The following KRT73 variants were observed in gnomAD, a reference collection of about 807,000 sequenced individuals.
KRT73 encodes the protein keratin 73, also known as keratin, type II cytoskeletal 73.
Under a neutral mutation model 47.2 loss-of-function variants are expected in KRT73, and 44 were observed. The observed-to-expected ratio is 0.93, with a 90% confidence interval of 0.73 to 1.20. The LOEUF is 1.20. KRT73 is among the 50% of genes most tolerant of loss of function. The pLI is 0.00. For synonymous variants in KRT73, 285 were observed against 291.3 expected (o/e 0.98, Z 0.22); for missense variants, 713 against 704.5 (o/e 1.01, Z -0.14).
Position 52,618,172 on chromosome 12 carries a change from T to G in KRT73, c.353A>C (p.Asn118Thr). ...CTGGATTTCAGGGTCCAGCTCCACG[T>G]TCAGGGGTGCCAGGAGGCTCTTGTT... ...TINKSLLAPL[N>T]VELDPEIQKV... The change falls in exon 1 of 9, where the codon AAC becomes ACC. Residue 118 changes from asparagine (N) to threonine (T), a missense_variant. Coordinates refer to ENST00000305748, the MANE Select transcript of KRT73 (RefSeq NM_175068.3). The G allele has an allele frequency of 6.2e-7, 1 of 1,614,036 alleles. No individual in the cohort carries two copies. The highest frequency in any genetic ancestry group is 8.5e-7 in the Non-Finnish European group (1 of 1,179,968).
chr12:52,630,694 C>T, the KRT73 span, among the ~76,000 whole-genome samples: 1 of 152,200 alleles, frequency 6.6e-6, no homozygotes, highest in Admixed American at 6.5e-5. Flanking sequence ...CATCTGTTTC[C>T]TGAGGTTGGT....
At chr12:52,621,300 G>C (rs867503641), upstream of KRT73, among the ~76,000 whole-genome samples, 2 of 145,284 alleles carry the variant, frequency 1.4e-5, no homozygotes, top group African/African-American at 2.5e-5. Flanking sequence ...AGGGGGGGGG[G>C]GGGAGAGAGA....
intron 3 of KRT73, 86 bp from the exon 4 acceptor site, chr12:52,614,760 C>A: frequency 9.5e-7 from 1 of 1,054,990 alleles, no homozygotes; most frequent in East Asian, 2.6e-5. Context: ...CAGGCCCTGC[C>A]CTAGCTAGCT....
upstream of KRT73, among the ~76,000 whole-genome samples, chr12:52,619,588 C>T (rs1355665876): frequency 6.6e-6 from 1 of 152,224 alleles, no homozygotes; most frequent in African/African-American, 2.4e-5. Context: ...ACCAGCCAGC[C>T]AGCCATCTAC....
chr12:52,629,887 G>A, the KRT73 span, among the ~76,000 whole-genome samples: 3 of 151,996 alleles, frequency 2.0e-5, no homozygotes, highest in Non-Finnish European at 4.4e-5. Context: ...ACCCACAGTC[G>A]CCTCATGGCC....
rs1399580761 is a variant in KRT73, at chr12:52,610,802, C to T, written c.1144G>A (p.Glu382Lys). 9.9e-6 allele frequency: 16 copies of T among 1,613,160 alleles called. No homozygotes were observed. Among genetic ancestry groups the T allele is most frequent in the East Asian group, 4.5e-5 (2 of 44,854 alleles). Residue 382 changes from glutamate to lysine, a missense_variant, in exon 7 of 9, where the codon GAG becomes AAG. By Grantham distance (56) the Glu-to-Lys change is moderately conservative. Coordinates refer to ENST00000305748, the MANE Select transcript of KRT73 (RefSeq NM_175068.3). ...ANLETAIADA[E>K]QRGDCALKDA... ...TTGAGGGCACAGTCCCCCCGCTGCT[C>T]GGCGTCAGCGATGGCCGTCTCCAGG...
At chr12:52,627,050 T>C in the KRT73 span, among the ~76,000 whole-genome samples, 3 of 152,176 alleles carry the variant, frequency 2.0e-5, no homozygotes, top group African/African-American at 7.2e-5. Context: ...ATTTCAACCA[T>C]TTATGGTGCA....
At chr12:52,618,638 A>G (rs1180174789), upstream of KRT73, 6 of 1,128,700 alleles carry the variant, frequency 5.3e-6, no homozygotes, top group Non-Finnish European at 7.4e-6. Context: ...CCATGGGCCT[A>G]ATTTGTGGGT....
chr12:52,628,028 T>G, the KRT73 span, among the ~76,000 whole-genome samples: 1 of 152,104 alleles, frequency 6.6e-6, no homozygotes, highest in Non-Finnish European at 1.5e-5. Context: ...ACAGAATAAA[T>G]TCCCCATGAA....
At chr12:52,615,393 C>T (rs1006110485) in intron 2 of KRT73, 54 bp from the exon 3 acceptor site, 21 of 1,403,668 alleles carry the variant, frequency 1.5e-5, no homozygotes, top group East Asian at 4.6e-5. Flanking sequence ...TGTGTGTATA[C>T]GTTCTCATAG....
rs1940846463 is a variant in KRT73, at chr12:52,618,161, C to T, written c.364G>A (p.Asp122Asn). Residue 122 changes from aspartate to asparagine, a missense_variant, in exon 1 of 9, where the codon GAC (aspartate) becomes AAC (asparagine). By Grantham distance (23) the Asp-to-Asn change is conservative. Transcript: ENST00000305748. ...SLLAPLNVEL[D>N]PEIQKVRAQE... ...GCACGCACTTTCTGGATTTCAGGGT[C>T]CAGCTCCACGTTCAGGGGTGCCAGG... 3.1e-6 allele frequency: 5 copies of T among 1,613,984 alleles called. No homozygotes were observed. Among genetic ancestry groups the T allele is most frequent in the Non-Finnish European group, 4.2e-6 (5 of 1,179,960 alleles).
chr12:52,617,114 T>A (rs191833973), intron 1 of KRT73, among the ~76,000 whole-genome samples: 4 of 152,152 alleles, frequency 2.6e-5, no homozygotes, highest in Admixed American at 2.6e-4. Flanking sequence ...ACCGAAGGTC[T>A]CCCATTCCCC....
At chr12:52,619,473 C>T (rs149478289), upstream of KRT73, among the ~76,000 whole-genome samples, 285 of 152,276 alleles carry the variant, frequency 1.9e-3, no homozygotes, top group Middle Eastern at 0.014. Context: ...AATGAAAATG[C>T]CCCCAAAAAG....
At chr12:52,609,134 G>A (rs1940643114) in intron 8 of KRT73, 113 bp downstream of exon 8, 3 of 889,106 alleles carry the variant, frequency 3.4e-6, no homozygotes, top group Non-Finnish European at 5.7e-6. Flanking sequence ...ATGTGACCAA[G>A]TGGTCAACAG....
upstream of KRT73, among the ~76,000 whole-genome samples, chr12:52,620,316 C>T (rs753867460): frequency 5.3e-5 from 8 of 152,024 alleles, no homozygotes; most frequent in Non-Finnish European, 1.2e-4. Context: ...ATTGGTCAGG[C>T]TGGTCTCGGT....
intron 6 of KRT73, 155 bp downstream of exon 6, chr12:52,611,049 C>T: frequency 2.8e-6 from 3 of 1,064,932 alleles, no homozygotes; most frequent in South Asian, 3.1e-5. Context: ...TTGTTCCAAA[C>T]TTCAGATGGG....
intron 5 of KRT73, chr12:52,613,293 C>A: frequency 6.1e-6 from 1 of 162,770 alleles, no homozygotes; most frequent in Admixed American, 5.9e-5. Flanking sequence ...TACTTGATTC[C>A]AGATCACACT....
intron 7 of KRT73, chr12:52,610,300 C>T (rs1290346657): frequency 2.9e-6 from 1 of 350,552 alleles, no homozygotes; most frequent in Admixed American, 3.9e-5. Context: ...TGGTCTCAAA[C>T]TCCTGACCTC....
the KRT73 span, among the ~76,000 whole-genome samples, chr12:52,630,746 C>T: frequency 1.3e-5 from 2 of 152,196 alleles, no homozygotes; most frequent in Admixed American, 6.5e-5. Context: ...TTCAGCTCAT[C>T]GACCTCCATC....
Sources: gnomAD v4.1 joint callset for allele counts (sites outside exome capture counted in the v4.1 genomes callset) on GRCh38, gnomAD v4.1.1 for gene constraint, MANE v1.5 for transcripts, NCBI Gene and HGNC (gene_info 2026-07-23, HGNC 2026-07-21) for gene names.